RAB37: variants seen among roughly 807,000 people sequenced by gnomAD.
RAB37 encodes the protein RAB37, member RAS oncogene family, also known as ras-related protein Rab-37.
RAB37 carries 29 observed loss-of-function variants against 33.1 expected under a neutral mutation model. The ratio of observed to expected loss-of-function variants is 0.88; its 90% confidence interval spans 0.65 to 1.20. The LOEUF (loss-of-function observed/expected upper bound fraction) is 1.20, where lower values mean the gene tolerates loss of function less well. Among genes scored for constraint, RAB37 ranks in the 50% most tolerant of loss-of-function variants. RAB37 has a pLI of 0.00. For missense variants in RAB37, 299 were observed against 301.1 expected (o/e 0.99, Z 0.05); for synonymous variants, 128 against 119.5 (o/e 1.07, Z -0.47).
upstream of RAB37, among the ~76,000 whole-genome samples, chr17:74,734,853 CAAAA>C (rs1195100354): frequency 9.1e-6 from 1 of 109,710 alleles, no homozygotes. Context: ...AAGAAAGAAA[CAAAA>C]AGAAAGAAAG....
At chr17:74,706,322 G>A (rs2033510646) in intron 1 of RAB37, among the ~76,000 whole-genome samples, 1 of 147,804 alleles carries the variant, frequency 6.8e-6, no homozygotes, top group South Asian at 2.1e-4. Context: ...GCGATTATAG[G>A]TGTGAGCAAC....
At chr17:74,683,744 C>G (rs1378386439) in intron 1 of RAB37, among the ~76,000 whole-genome samples, 1 of 152,222 alleles carries the variant, frequency 6.6e-6, no homozygotes, top group Non-Finnish European at 1.5e-5. Context: ...GATGGCCTCA[C>G]ACCACGCCTG....
chr17:74,694,946 A>G (rs1030378350), intron 1 of RAB37: 39 of 845,916 alleles, frequency 4.6e-5, no homozygotes, highest in Non-Finnish European at 6.4e-5. Flanking sequence ...CTTGGCCCCA[A>G]GCCCAACCCA....
intron 1 of RAB37, among the ~76,000 whole-genome samples, chr17:74,686,513 C>G (rs2032057589): frequency 6.6e-6 from 1 of 152,174 alleles, no homozygotes; most frequent in Non-Finnish European, 1.5e-5. Context: ...GCCTCAGCCT[C>G]CCGAGTAGCT....
At position 74,745,072 on chromosome 17, in the gene RAB37, T is replaced by C; in HGVS notation, c.554T>C (p.Leu185Pro). The change falls in exon 8 of 9, where the codon CTG becomes CCG. Residue 185 changes from leucine (L) to proline (P), a missense_variant. Coordinates refer to ENST00000392613, the MANE Select transcript of RAB37 (RefSeq NM_001006638.3). This position sits in a 1 kb window ranked among gnomAD's most constrained non-coding sequence, Gnocchi z 4.5. Reference sequence around the variant, plus strand: ...GGCATGAATGTGGAGTTAGCCTTTCTGGCCATCGCCAAGTGAGAGCTGGGC... The same window carrying C: ...GGCATGAATGTGGAGTTAGCCTTTCCGGCCATCGCCAAGTGAGAGCTGGGC... ...KTGMNVELAF[L>P]AIAKELKYRA... is the part of the protein sequence containing the mutation. The C allele has an allele frequency of 6.2e-7, 1 of 1,614,186 alleles. No individual in the cohort carries two copies. The highest frequency in any genetic ancestry group is 8.5e-7 in the Non-Finnish European group (1 of 1,180,028).
intron 1 of RAB37, among the ~76,000 whole-genome samples, chr17:74,712,428 C>G (rs566183553): frequency 5.4e-4 from 83 of 152,344 alleles, no homozygotes; most frequent in African/African-American, 1.8e-3. Flanking sequence ...TCAAAGTCCT[C>G]CAGCCTCACC....
chr17:74,724,814 A>T (rs1014334816), intron 1 of RAB37, among the ~76,000 whole-genome samples: 2 of 152,176 alleles, frequency 1.3e-5, no homozygotes, highest in African/African-American at 4.8e-5. Flanking sequence ...GTGGAATGTG[A>T]TCAGTTAAGG....
chr17:74,710,506 A>G (rs2033868667), intron 1 of RAB37, among the ~76,000 whole-genome samples: 1 of 152,218 alleles, frequency 6.6e-6, no homozygotes, highest in South Asian at 2.1e-4. Context: ...CATTAGCAAT[A>G]AAAGTGTATT....
intron 1 of RAB37, among the ~76,000 whole-genome samples, chr17:74,714,659 C>A (rs62084904): frequency 0.071 from 10,739 of 152,082 alleles, 505 homozygotes; most frequent in Non-Finnish European, 0.11. Context: ...GACTATTATC[C>A]CCTCGCTCCA....
chr17:74,717,953 C>T (rs1251622879), intron 1 of RAB37, among the ~76,000 whole-genome samples: 1 of 152,084 alleles, frequency 6.6e-6, no homozygotes, highest in Non-Finnish European at 1.5e-5. Context: ...GTGCCTTGAC[C>T]TTGGACTCTC....
intron 1 of RAB37, among the ~76,000 whole-genome samples, chr17:74,675,194 T>C (rs2031799800): frequency 2.0e-5 from 3 of 152,096 alleles, no homozygotes; most frequent in Admixed American, 2.0e-4. Flanking sequence ...CCCAGCACTT[T>C]GGGAGGCCAA....
At chr17:74,740,935 TG>T (rs1244038796) in intron 2 of RAB37, 57 bp downstream of exon 2, 22 of 1,329,200 alleles carry the variant, frequency 1.7e-5, no homozygotes, top group Non-Finnish European at 2.0e-5. Flanking sequence ...GGCTCAGGCA[TG>T]GGGGGGTTGC....
intron 1 of RAB37, 32 bp downstream of exon 1, chr17:74,737,397 C>T (rs2034504129): frequency 6.5e-7 from 1 of 1,529,154 alleles, no homozygotes; most frequent in Non-Finnish European, 8.8e-7. Flanking sequence ...GACCCCCGCC[C>T]TCCTCGGCGC....
chr17:74,686,115 T>A (rs960170736), intron 1 of RAB37, among the ~76,000 whole-genome samples: 1 of 152,048 alleles, frequency 6.6e-6, no homozygotes, highest in African/African-American at 2.4e-5. Context: ...TTTCTTGAGA[T>A]AGAGTCTCAC....
chr17:74,722,382 G>C (rs528848119), intron 1 of RAB37, among the ~76,000 whole-genome samples: 1 of 152,300 alleles, frequency 6.6e-6, no homozygotes, highest in Non-Finnish European at 1.5e-5. Context: ...CAGCCCAAAG[G>C]CTGTAAATTT....
intron 1 of RAB37, among the ~76,000 whole-genome samples, chr17:74,675,175 G>A (rs11655369): frequency 0.36 from 55,294 of 151,976 alleles, 12,888 homozygotes; most frequent in Non-Finnish European, 0.52. Context: ...TTGGCTGGGC[G>A]CAGTGGCTCC....
At chr17:74,726,388 A>G (rs990813286) in intron 1 of RAB37, among the ~76,000 whole-genome samples, 1 of 152,064 alleles carries the variant, frequency 6.6e-6, no homozygotes, top group Non-Finnish European at 1.5e-5. Context: ...ACTGTTTCCT[A>G]TGATGAAAAT....
At chr17:74,687,373 G>A (rs1449450832) in intron 1 of RAB37, among the ~76,000 whole-genome samples, 3 of 151,932 alleles carry the variant, frequency 2.0e-5, no homozygotes, top group African/African-American at 4.8e-5. Context: ...ACAGGGGCCC[G>A]CCACCACACC....
intron 1 of RAB37, chr17:74,704,370 A>G (rs2033333864): frequency 1.2e-6 from 1 of 826,150 alleles, no homozygotes; most frequent in Non-Finnish European, 1.9e-6. Context: ...GAGACTCGGG[A>G]CTCAAGTGAT....
Sources: gnomAD v4.1 joint callset for allele counts (sites outside exome capture counted in the v4.1 genomes callset) on GRCh38, gnomAD v4.1.1 for gene constraint, Gnocchi (gnomAD v3.1) non-coding constraint, MANE v1.5 for transcripts, NCBI Gene and HGNC (gene_info 2026-07-23, HGNC 2026-07-21) for gene names.